Variants in TDRP observed in about 807,000 individuals in gnomAD.
TDRP encodes the protein testis development related protein, also known as testis development-related protein.
TDRP carries 12 observed loss-of-function variants against 10.5 expected under a neutral mutation model. The ratio of observed to expected loss-of-function variants is 1.15; its 90% CI spans 0.73 to 1.86. TDRP has a LOEUF of 1.86. Among genes scored for constraint, TDRP ranks in the 40% most tolerant of loss-of-function variants. The pLI, the probability that TDRP is intolerant of heterozygous loss-of-function variation, is 0.00. For synonymous variants in TDRP, 139 were observed against 95.4 expected, an observed-to-expected ratio of 1.46 and a Z score of -2.67; for missense variants, 353 against 229.2, an observed-to-expected ratio of 1.54 and a Z score of -3.49.
chr8:499,001 C>T (rs140654928), intron 1 of TDRP, among the ~76,000 whole-genome samples: 1,529 of 152,248 alleles, frequency 0.01, 27 homozygotes, highest in African/African-American at 0.034. Context: ...GTCAATTAAA[C>T]CTCTTTTCTT....
intron 1 of TDRP, among the ~76,000 whole-genome samples, chr8:531,523 G>A (rs1346809328): frequency 6.6e-6 from 1 of 152,122 alleles, no homozygotes; most frequent in East Asian, 1.9e-4. Context: ...CACCCAGCTG[G>A]TACTGAAGAA....
chr8:535,865 T>G (rs377686022), intron 1 of TDRP, among the ~76,000 whole-genome samples: 2 of 77,256 alleles, frequency 2.6e-5, no homozygotes, highest in African/African-American at 9.5e-5. Context: ...CAGGTGTGAG[T>G]GTAGGGGTGG....
chr8:512,421 G>A (rs753094582), intron 1 of TDRP, among the ~76,000 whole-genome samples: 2 of 151,788 alleles, frequency 1.3e-5, no homozygotes, highest in African/African-American at 4.8e-5. Flanking sequence ...AACAGAGCAA[G>A]ACTCCATCTC....
intron 1 of TDRP, among the ~76,000 whole-genome samples, chr8:530,445 G>A (rs982613659): frequency 3.3e-5 from 5 of 151,866 alleles, no homozygotes; most frequent in African/African-American, 4.8e-5. Context: ...TGGGATTTGG[G>A]GTATCTGAAA....
intron 1 of TDRP, among the ~76,000 whole-genome samples, chr8:501,307 T>A (rs991194241): frequency 6.6e-6 from 1 of 152,080 alleles, no homozygotes; most frequent in African/African-American, 2.4e-5. Flanking sequence ...GTCCATGTAA[T>A]TTTAGTATTT....
At chr8:494,387 A>G (rs1051172795) in intron 2 of TDRP, 107 bp downstream of exon 2, 2 of 1,095,982 alleles carry the variant, frequency 1.8e-6, no homozygotes, top group Non-Finnish European at 2.7e-6. Context: ...GCGCCCCACA[A>G]TGCCTCCAGT....
intron 1 of TDRP, among the ~76,000 whole-genome samples, chr8:540,464 C>T (rs1802463288): frequency 6.6e-6 from 1 of 152,184 alleles, no homozygotes. Flanking sequence ...CCATTAGAAA[C>T]TTTGAAGAAG....
At position 491,323 on chromosome 8, in the gene TDRP, T is replaced by C. The variant is rs984589485; in HGVS notation, c.*1076A>G. 8 of 326,280 alleles carry C rather than the reference T, an allele frequency of 2.5e-5. No homozygotes were observed. Among genetic ancestry groups the C allele is most frequent in the Non-Finnish European group, 3.9e-5 (7 of 181,118 alleles). 20.2% of individuals were successfully genotyped at this position (326,280 alleles called of 1,614,324 possible). ...CCTTTTCTTTCAAACCACTTTTATC[T>C]AAGAGATATCTGCAGGACTTGCTGA... On this transcript the variant is annotated 3_prime_UTR_variant, in exon 3 of 3. Transcript: ENST00000324079.
At position 492,762 on chromosome 8, in the gene TDRP, G is replaced by C; in HGVS notation, c.213-18C>G. ...AGTTAGTTCTATAGGAGATGAAAGA[G>C]TTAGGTGTTGGTGACCCAGGTCTTA... On this transcript the variant is annotated intron_variant, in intron 2 of 2. Transcript: ENST00000324079. 2.6e-6 allele frequency: 4 copies of C among 1,558,262 alleles called. No individual in the cohort carries two copies. The highest frequency in any genetic ancestry group is 3.5e-6 in the Non-Finnish European group (4 of 1,149,016).
rs1041279567 is a variant in TDRP at position 490,470 on chromosome 8, G to A, written c.*1929C>T. The A allele has an allele frequency of 3.9e-5, 6 of 152,234 alleles. No homozygotes were observed. Among genetic ancestry groups the A allele is most frequent in the Non-Finnish European group, 7.3e-5 (5 of 68,056 alleles). The allele number at this position is 152,234 out of a possible 1,614,324, so 9.4% of individuals were successfully genotyped here. A position where few individuals can be genotyped will look rare whatever the true frequency, so the allele number is the denominator to read the frequency against. ...CAACTGCAGCCATCACAGCCACAGA[G>A]CTCCCCACAACATGGGAAGCGTCCC... is the stretch of plus-strand genomic sequence containing the variant. On this transcript the variant is annotated 3_prime_UTR_variant, in exon 3 of 3. Transcript: ENST00000324079.
chr8:529,894 G>C (rs1407822187), intron 1 of TDRP, among the ~76,000 whole-genome samples: 1 of 152,088 alleles, frequency 6.6e-6, no homozygotes, highest in Non-Finnish European at 1.5e-5. Context: ...AGTCCTTTGA[G>C]ATTCTTGAAT....
At chr8:524,176 T>C (rs1317079854) in intron 1 of TDRP, among the ~76,000 whole-genome samples, 1 of 152,208 alleles carries the variant, frequency 6.6e-6, no homozygotes, top group Non-Finnish European at 1.5e-5. Flanking sequence ...GGAATTATCC[T>C]GGATCTTAAC....
chr8:540,773 T>G (rs1802470612), intron 1 of TDRP, among the ~76,000 whole-genome samples: 1 of 148,692 alleles, frequency 6.7e-6, no homozygotes, highest in African/African-American at 2.5e-5. Context: ...CATTTCAAAT[T>G]TATTGGAACC....
intron 1 of TDRP, among the ~76,000 whole-genome samples, chr8:499,686 G>C (rs1353614141): frequency 1.3e-5 from 2 of 152,254 alleles, no homozygotes; most frequent in Non-Finnish European, 2.9e-5. Context: ...CGGGCAGAAA[G>C]AATCCATCAA....
intron 1 of TDRP, among the ~76,000 whole-genome samples, chr8:511,070 C>G (rs1801603886): frequency 6.6e-6 from 1 of 151,976 alleles, no homozygotes; most frequent in African/African-American, 2.4e-5. Context: ...AGCAAAGGAA[C>G]AAAATGAAGG....
intron 1 of TDRP, among the ~76,000 whole-genome samples, chr8:524,021 T>A (rs1314689523): frequency 2.0e-5 from 3 of 152,208 alleles, no homozygotes; most frequent in Admixed American, 2.0e-4. Flanking sequence ...TAGCTTCTGG[T>A]CTGAATCAGC....
rs533044056 is a variant in TDRP, at chr8:528,821, A to G, written c.108+15829T>C. On this transcript the variant is annotated intron_variant, in intron 1 of 2. Coordinates refer to ENST00000324079, the MANE Select transcript of TDRP (RefSeq NM_001384899.1). Reference sequence around the variant, plus strand: ...TATATATAACTATGTGTGTGTGTATATGTGTGTATATATGTGTGTGTATAT... The same window carrying G: ...TATATATAACTATGTGTGTGTGTATGTGTGTGTATATATGTGTGTGTATAT... Among the ~76,000 whole-genome samples, 40 of 151,792 alleles carry G rather than the reference A, an allele frequency of 2.6e-4. No individual in the cohort carries two copies. The South Asian group carries it at 6.6e-3, about 25-fold the overall frequency.
At chr8:543,803 C>T (rs1316037667) in intron 1 of TDRP, among the ~76,000 whole-genome samples, 2 of 152,000 alleles carry the variant, frequency 1.3e-5, no homozygotes, top group East Asian at 1.9e-4. Flanking sequence ...TCCATTCGGC[C>T]TTAACAGCAT....
At chr8:544,556 A>G in intron 1 of TDRP, 94 bp downstream of exon 1, 1 of 886,840 alleles carries the variant, frequency 1.1e-6, no homozygotes, top group Non-Finnish European at 1.5e-6. Flanking sequence ...CTGTGCCCCC[A>G]ACTACCCGCA....
Sources: allele counts gnomAD v4.1 joint callset (sites outside exome capture counted in the v4.1 genomes callset), GRCh38; gene constraint gnomAD v4.1.1; transcripts MANE v1.5; gene names NCBI Gene and HGNC (gene_info 2026-07-23, HGNC 2026-07-21).